The following PLS1 variants were observed in gnomAD, a reference collection of about 807,000 sequenced individuals.
PLS1 encodes plastin 1.
Under a neutral mutation model 73.7 loss-of-function variants are expected in PLS1, and 32 were observed. The ratio of observed to expected loss-of-function variants is 0.43; its 90% CI spans 0.33 to 0.58. The LOEUF (loss-of-function observed/expected upper bound fraction) is 0.58. Among genes scored for constraint, PLS1 ranks in the 20% least tolerant of loss-of-function variants. The pLI is 0.04. For synonymous variants in PLS1, 217 were observed against 261.3 expected (o/e 0.83, Z 1.63); for missense variants, 633 against 740.5 (o/e 0.85, Z 1.68).
At chr3:142,666,058 C>G (rs2037472836) in intron 2 of PLS1, among the ~76,000 whole-genome samples, 1 of 152,108 alleles carries the variant, frequency 6.6e-6, no homozygotes, top group Non-Finnish European at 1.5e-5. Flanking sequence ...ACACTTTTCT[C>G]AAGGATAGAG....
At chr3:142,703,399 G>A (rs1051414744) in intron 12 of PLS1, among the ~76,000 whole-genome samples, 1 of 150,278 alleles carries the variant, frequency 6.7e-6, no homozygotes, top group Non-Finnish European at 1.5e-5. Context: ...AGGTTCAAGC[G>A]ATTCTCCTGC....
chr3:142,629,511 T>C (rs943106152), intron 1 of PLS1, among the ~76,000 whole-genome samples: 1 of 152,068 alleles, frequency 6.6e-6, no homozygotes, highest in African/African-American at 2.4e-5. Context: ...GGATTAGAAA[T>C]AATTTATATA....
At position 142,712,859 on chromosome 3, in the gene PLS1, A is replaced by G. The variant is rs1198894358; in HGVS notation, c.*852A>G. On this transcript the variant is annotated 3_prime_UTR_variant, in exon 16 of 16. Coordinates refer to ENST00000457734, the MANE Select transcript of PLS1 (RefSeq NM_001145319.2). ...TTTTCAGTCTGTGGATATCTGATAC[A>G]TTAAGATTTCTTTTTATAAGTATTC... is the stretch of plus-strand genomic sequence containing the variant. The G allele has an allele frequency of 6.6e-6, 1 of 152,584 alleles. No homozygotes were observed. The highest frequency in any genetic ancestry group is 1.9e-4 in the East Asian group (1 of 5,200). The allele number at this position is 152,584 out of a possible 1,614,324, so 9.5% of individuals were successfully genotyped here. A position where few individuals can be genotyped will look rare whatever the true frequency, so the allele number is the denominator to read the frequency against.
At chr3:142,630,420 CAAAAAAAAAA>C (rs71153980) in intron 1 of PLS1, among the ~76,000 whole-genome samples, 1 of 110,346 alleles carries the variant, frequency 9.1e-6, no homozygotes, top group African/African-American at 3.5e-5. Context: ...GACCCTGCCT[CAAAAAAAAAA>C]AAAAAAAAAA....
rs762435544 is a variant in PLS1, at chr3:142,634,915, C to CT, written c.-36-29272dup. Among the ~76,000 whole-genome samples the CT allele has an allele frequency of 1.8e-3, 258 of 141,842 alleles. 1 individual carries two copies. Among genetic ancestry groups the CT allele is most frequent in the East Asian group, 0.011 (52 of 4,872 alleles). The allele number at this position is 141,842 out of a possible 152,430, so 93.1% of individuals were successfully genotyped here. ...GAAAAATGGAAGCATACCATTGTAA[C>CT]TTTTTTTTTTTTTTTGTCTTTTAGA... On this transcript the variant is annotated intron_variant, in intron 1 of 15. Coordinates refer to ENST00000457734, the MANE Select transcript of PLS1 (RefSeq NM_001145319.2).
intron 1 of PLS1, among the ~76,000 whole-genome samples, chr3:142,607,151 T>C (rs1418728871): frequency 6.6e-6 from 1 of 152,218 alleles, no homozygotes; most frequent in Non-Finnish European, 1.5e-5. Flanking sequence ...AGTATCACAT[T>C]GTAGTGACTT....
chr3:142,618,742 C>T (rs1227488616), intron 1 of PLS1, among the ~76,000 whole-genome samples: 2 of 152,132 alleles, frequency 1.3e-5, no homozygotes, highest in Admixed American at 1.3e-4. Flanking sequence ...CTTTCCTCCT[C>T]CTCCTTCTGT....
At position 142,712,090 on chromosome 3, in the gene PLS1, C is replaced by A; in HGVS notation, c.*83C>A. The A allele has an allele frequency of 2.5e-6, 3 of 1,216,838 alleles. No individual in the cohort carries two copies. Among genetic ancestry groups the A allele is most frequent in the South Asian group, 1.3e-5 (1 of 77,858 alleles). 75.4% of individuals were successfully genotyped at this position (1,216,838 alleles called of 1,614,324 possible). ...ATTCTGAAATGTAGTGGGTGTAAAA[C>A]CAGAGATTATTTGTATGCTCAAAAT... On this transcript the variant is annotated 3_prime_UTR_variant, in exon 16 of 16. Transcript: ENST00000457734.
Position 142,669,551 on chromosome 3 carries a change from T to C in PLS1, c.232T>C (p.Ser78Pro). The C allele has an allele frequency of 6.2e-7, 1 of 1,609,584 alleles. No homozygotes were observed. The change falls in exon 3 of 16, where the codon TCA becomes CCA. Residue 78 changes from serine (S) to proline (P), a missense_variant and splice_region_variant. Transcript: ENST00000457734. The stretch of plus-strand genomic sequence containing the variant: ...CAAAATCAGTTTTGAAGAGTTTGTG[T>C]CAGTAAGTAATCTAATCCTTTCGGG... ...DGKISFEEFVSLMQELKSKDI... is the reference protein window; with the variant it reads ...DGKISFEEFVPLMQELKSKDI...
chr3:142,677,342 C>T (rs912982895), intron 5 of PLS1, among the ~76,000 whole-genome samples: 1 of 152,042 alleles, frequency 6.6e-6, no homozygotes, highest in Admixed American at 6.6e-5. Context: ...ACAAAACTAA[C>T]ATAAAGAAAA....
At chr3:142,638,413 G>A (rs2036750956) in intron 1 of PLS1, among the ~76,000 whole-genome samples, 1 of 152,198 alleles carries the variant, frequency 6.6e-6, no homozygotes, top group Non-Finnish European at 1.5e-5. Flanking sequence ...GTTGACACCT[G>A]TAGTAACTGT....
intron 1 of PLS1, among the ~76,000 whole-genome samples, chr3:142,659,303 G>C (rs1027328218): frequency 2.0e-5 from 3 of 152,138 alleles, no homozygotes; most frequent in Non-Finnish European, 4.4e-5. Flanking sequence ...TGGGAAAATA[G>C]AATAGCTGGG....
chr3:142,668,882 G>A (rs1168145998), intron 2 of PLS1, among the ~76,000 whole-genome samples: 1 of 152,048 alleles, frequency 6.6e-6, no homozygotes, highest in Non-Finnish European at 1.5e-5. Flanking sequence ...GATTATAAGT[G>A]TGAGCCACTG....
chr3:142,626,428 A>G (rs2036430060), intron 1 of PLS1, among the ~76,000 whole-genome samples: 1 of 152,208 alleles, frequency 6.6e-6, no homozygotes, highest in African/African-American at 2.4e-5. Context: ...AGCCAAACAT[A>G]AAGTGGGGTT....
At chr3:142,704,300 G>C (rs1368332738) in intron 13 of PLS1, among the ~76,000 whole-genome samples, 163 bp from the exon 14 acceptor site, 1 of 152,068 alleles carries the variant, frequency 6.6e-6, no homozygotes, top group African/African-American at 2.4e-5. Context: ...GATTAATGAG[G>C]TTTGTAACTT....
rs1028196343 is a variant in PLS1, at chr3:142,712,367, A to AT, written c.*367dup. On this transcript the variant is annotated 3_prime_UTR_variant, in exon 16 of 16. Coordinates refer to ENST00000457734, the MANE Select transcript of PLS1 (RefSeq NM_001145319.2). The stretch of plus-strand genomic sequence containing the variant: ...AGGTTCTGCTGTGAAATGTGGTTTG[A>AT]TTTTTTTGGTGTGTTAATTTTGATC... 1.2e-4 allele frequency: 20 copies of AT among 167,840 alleles called. No homozygotes were observed. The highest frequency in any genetic ancestry group is 6.9e-5 in the Admixed American group (1 of 14,528). The allele number at this position is 167,840 out of a possible 1,614,324, so 10.4% of individuals were successfully genotyped here. A position where few individuals can be genotyped will look rare whatever the true frequency, so the allele number is the denominator to read the frequency against.
chr3:142,634,590 T>C (rs2036637219), intron 1 of PLS1, among the ~76,000 whole-genome samples: 1 of 152,092 alleles, frequency 6.6e-6, no homozygotes, highest in African/African-American at 2.4e-5. Flanking sequence ...GGAGGAACAT[T>C]ATTAAGGTAG....
At position 142,700,118 on chromosome 3, in the gene PLS1, A is replaced by C. The variant is rs999647084; in HGVS notation, c.1371+2051A>C. Among the ~76,000 whole-genome samples the C allele has an allele frequency of 4.6e-5, 7 of 152,206 alleles. 1 individual carries two copies. Among genetic ancestry groups the C allele is most frequent in the African/African-American group, 1.7e-4 (7 of 41,468 alleles). ...CATATGCAGAATACTTTTTCAACAA[A>C]TACAGAATGAAACATAAAGCCTGAA... On this transcript the variant is annotated intron_variant, in intron 12 of 15. Transcript: ENST00000457734.
In PLS1 at chr3:142,704,971, T is replaced by TA. The variant is rs572171483; in HGVS notation, c.1629+386dup. Among the ~76,000 whole-genome samples the TA allele has an allele frequency of 2.3e-3, 344 of 152,054 alleles. 1 individual carries two copies. The highest frequency in any genetic ancestry group is 6.8e-3 in the Middle Eastern group (2 of 294). ...CCACGCCTGGCCAGGAACGAATTTT[T>TA]ATTGGAAATTACATTGGTTTGGTTT... is the stretch of plus-strand genomic sequence containing the variant. On this transcript the variant is annotated intron_variant, in intron 14 of 15. Coordinates refer to ENST00000457734, the MANE Select transcript of PLS1 (RefSeq NM_001145319.2).
Sources: gnomAD v4.1 joint callset for allele counts (sites outside exome capture counted in the v4.1 genomes callset) on GRCh38, gnomAD v4.1.1 for gene constraint, MANE v1.5 for transcripts, NCBI Gene and HGNC (gene_info 2026-07-23, HGNC 2026-07-21) for gene names.